CIT: variants seen among roughly 807,000 people sequenced by gnomAD.
CIT encodes citron Rho-interacting kinase.
Under a neutral mutation model 272.7 loss-of-function variants are expected in CIT, and 79 were observed. The ratio of observed to expected loss-of-function variants is 0.29; its 90% CI spans 0.24 to 0.35. CIT has a LOEUF of 0.35. CIT is among the 10% of genes least tolerant of loss of function. The probability of loss-of-function intolerance (pLI) is 1.00; values close to 1 mark genes in which losing one functional copy is unlikely to be tolerated. For missense variants in CIT, 1,909 were observed against 2,618.3 expected, an observed-to-expected ratio of 0.73 and a Z score of 5.91; for synonymous variants, 948 against 995.6, an observed-to-expected ratio of 0.95 and a Z score of 0.90.
intron 5 of CIT, among the ~76,000 whole-genome samples, chr12:119,835,657 G>C (rs1045079666): frequency 6.6e-6 from 1 of 152,070 alleles, no homozygotes; most frequent in Non-Finnish European, 1.5e-5. Flanking sequence ...CCAACTCGGG[G>C]ATGTGAATTC....
rs1950213549 is a variant in CIT, at chr12:119,857,707, G to A, written c.239-9C>T. ...AGCTATGGTGTCGGAATCTGCAAAA[G>A]ATGCAAGAGTTAGCCCCAGGTAAAT... On this transcript the variant is annotated splice_polypyrimidine_tract_variant and intron_variant, in intron 3 of 47. Transcript: ENST00000392521. The A allele has an allele frequency of 1.2e-6, 2 of 1,607,838 alleles. No homozygotes were observed. The highest frequency in any genetic ancestry group is 2.2e-5 in the East Asian group (1 of 44,764).
chr12:119,693,184 CTT>C (rs986228558), intron 46 of CIT, among the ~76,000 whole-genome samples: 99 of 152,248 alleles, frequency 6.5e-4, no homozygotes, highest in African/African-American at 2.4e-3. Flanking sequence ...AGTGGGCAGT[CTT>C]CCATCTCCTT....
intron 9 of CIT, among the ~76,000 whole-genome samples, chr12:119,809,053 G>A (rs1966757383): frequency 6.6e-6 from 1 of 152,198 alleles, no homozygotes; most frequent in South Asian, 2.1e-4. Context: ...GTGTCACGGA[G>A]GGGATTTAAT....
At chr12:119,753,275 A>G (rs538079526) in intron 22 of CIT, among the ~76,000 whole-genome samples, 125 of 152,340 alleles carry the variant, frequency 8.2e-4, no homozygotes, top group African/African-American at 2.8e-3. Context: ...CCTCCAACCC[A>G]GCTTCAGAGG....
At chr12:119,863,550 C>T (rs540563242) in intron 3 of CIT, among the ~76,000 whole-genome samples, 4 of 151,878 alleles carry the variant, frequency 2.6e-5, no homozygotes, top group South Asian at 2.1e-4. Context: ...TGTTTTGAGA[C>T]GGAGTCTTAC....
intron 9 of CIT, among the ~76,000 whole-genome samples, chr12:119,821,525 C>G (rs1967721072): frequency 6.6e-6 from 1 of 152,102 alleles, no homozygotes; most frequent in South Asian, 2.1e-4. Context: ...GGGTGGGGGA[C>G]TACTTTAACT....
chr12:119,853,205 TAATC>T (rs202086200), intron 4 of CIT, among the ~76,000 whole-genome samples: 7,014 of 150,268 alleles, frequency 0.047, 294 homozygotes, highest in African/African-American at 0.12. Context: ...AGTGCACCTG[TAATC>T]AATCCCACCT....
chr12:119,830,386 A>G (rs925956291), intron 7 of CIT, among the ~76,000 whole-genome samples: 1 of 151,882 alleles, frequency 6.6e-6, no homozygotes, highest in African/African-American at 2.4e-5. Context: ...AAAAAATTGA[A>G]ACTGGGAACC....
chr12:119,742,571 C>A (rs757410601), intron 23 of CIT, 107 bp from the exon 24 acceptor site: 43 of 684,956 alleles, frequency 6.3e-5, no homozygotes, highest in Admixed American at 5.8e-4. Context: ...GCCGAGAATG[C>A]GGCACCAGCA....
intron 3 of CIT, among the ~76,000 whole-genome samples, chr12:119,862,923 C>T (rs1226891237): frequency 2.8e-5 from 4 of 142,624 alleles, no homozygotes; most frequent in African/African-American, 1.0e-4. Context: ...GACATTGGGC[C>T]GGGTGCAGTG....
At chr12:119,701,588 G>T (rs746291860) in intron 43 of CIT, 36 bp downstream of exon 43, 1 of 1,606,666 alleles carries the variant, frequency 6.2e-7, no homozygotes, top group Non-Finnish European at 8.5e-7. Flanking sequence ...GTGTCCATGA[G>T]GACCCAAAAG....
chr12:119,868,093 G>C (rs748459721), intron 3 of CIT, among the ~76,000 whole-genome samples: 2 of 152,034 alleles, frequency 1.3e-5, no homozygotes, highest in Non-Finnish European at 2.9e-5. Context: ...TTAGCTGGGC[G>C]TGGTAGTGTG....
intron 23 of CIT, 173 bp from the exon 24 acceptor site, chr12:119,742,637 C>G: frequency 1.8e-6 from 1 of 545,198 alleles, no homozygotes; most frequent in Non-Finnish European, 3.2e-6. Context: ...AAATAAGTTA[C>G]AGGAATACAC....
At position 119,804,353 on chromosome 12, in the gene CIT, G is replaced by A. The variant is rs930696869; in HGVS notation, c.1112-964C>T. 6 of 985,580 alleles carry A rather than the reference G, an allele frequency of 6.1e-6. No homozygotes were observed. The highest frequency in any genetic ancestry group is 7.2e-6 in the Non-Finnish European group (6 of 830,046). The allele number at this position is 985,580 out of a possible 1,614,324, so 61.1% of individuals were successfully genotyped here. A position where few individuals can be genotyped will look rare whatever the true frequency, so the allele number is the denominator to read the frequency against. On this transcript the variant is annotated intron_variant, in intron 9 of 47. Coordinates refer to ENST00000392521, the MANE Select transcript of CIT (RefSeq NM_001206999.2). This position sits in a 1 kb window ranked among gnomAD's most constrained non-coding sequence, Gnocchi z 5.3. ...GGTTGCAAGCTGAGGCGTCCGTGGC[G>A]GGCCAGCCAGGCGAGTTAGAGCCGA... is the stretch of plus-strand genomic sequence containing the variant.
At chr12:119,864,447 A>G (rs1950458656) in intron 3 of CIT, among the ~76,000 whole-genome samples, 3 of 152,030 alleles carry the variant, frequency 2.0e-5, no homozygotes, top group South Asian at 4.1e-4. Flanking sequence ...GCAATTCTCC[A>G]GCCTCAGCCT....
intron 2 of CIT, among the ~76,000 whole-genome samples, chr12:119,872,786 C>G (rs991561581): frequency 1.3e-5 from 2 of 152,128 alleles, no homozygotes; most frequent in African/African-American, 4.8e-5. Flanking sequence ...CTGTCTATAT[C>G]TGTTGCCTCC....
chr12:119,690,498 C>A lies in CIT; in HGVS notation c.5883-44G>T. On this transcript the variant is annotated intron_variant, in intron 46 of 47. Coordinates refer to ENST00000392521, the MANE Select transcript of CIT (RefSeq NM_001206999.2). This position sits in a 1 kb window ranked among gnomAD's most constrained non-coding sequence, Gnocchi z 6.0. ...CGTAGGGAGCTGCGAGGCCACAACC[C>A]CAGAGGGGCATTTTCCTTCTTACCT... The A allele has an allele frequency of 1.3e-6, 2 of 1,503,582 alleles. No homozygotes were observed. The highest frequency in any genetic ancestry group is 1.8e-6 in the Non-Finnish European group (2 of 1,136,696). The allele number at this position is 1,503,582 out of a possible 1,614,324, so 93.1% of individuals were successfully genotyped here. A position where few individuals can be genotyped will look rare whatever the true frequency, so the allele number is the denominator to read the frequency against.
intron 18 of CIT, among the ~76,000 whole-genome samples, chr12:119,769,426 T>C (rs1962837551): frequency 6.6e-6 from 1 of 152,240 alleles, no homozygotes; most frequent in Non-Finnish European, 1.5e-5. Context: ...CTGCTAAATT[T>C]CCAGCTCCTA....
chr12:119,753,307 G>A (rs1960492145), intron 22 of CIT, among the ~76,000 whole-genome samples: 1 of 152,172 alleles, frequency 6.6e-6, no homozygotes, highest in African/African-American at 2.4e-5. Flanking sequence ...CTCCTCCCTA[G>A]AAAAGGTGGC....
Sources: allele counts gnomAD v4.1 joint callset (sites outside exome capture counted in the v4.1 genomes callset), GRCh38; gene constraint gnomAD v4.1.1; non-coding constraint Gnocchi (gnomAD v3.1); transcripts MANE v1.5; gene names NCBI Gene and HGNC (gene_info 2026-07-23, HGNC 2026-07-21).